Variants in CNTN6 observed in about 807,000 individuals in gnomAD.
The protein encoded by CNTN6 is contactin 6, also known as contactin-6.
CNTN6 carries 137 observed loss-of-function variants against 122.8 expected under a neutral mutation model. The observed-to-expected ratio is 1.12, with a 90% CI of 0.97 to 1.29. CNTN6 has a LOEUF of 1.29. CNTN6 is among the 50% of genes most tolerant of loss of function. The pLI is 0.00. For missense variants in CNTN6, 1,634 were observed against 1,223.4 expected (o/e 1.34, Z -5.01); for synonymous variants, 570 against 426.0 (o/e 1.34, Z -4.16).
chr3:1,334,539 A>G (rs1273258957), intron 11 of CNTN6, among the ~76,000 whole-genome samples: 1 of 152,116 alleles, frequency 6.6e-6, no homozygotes, highest in East Asian at 1.9e-4. Flanking sequence ...AGGGGTTGAA[A>G]TTGAAAGTTC....
intron 5 of CNTN6, among the ~76,000 whole-genome samples, chr3:1,285,928 A>G (rs983168958): frequency 1.3e-5 from 2 of 152,228 alleles, no homozygotes; most frequent in Non-Finnish European, 2.9e-5. Flanking sequence ...TGTTAGAACC[A>G]GGAAGCTCAT....
chr3:1,172,073 A>G (rs2125299563), intron 2 of CNTN6, among the ~76,000 whole-genome samples: 1 of 152,206 alleles, frequency 6.6e-6, no homozygotes, highest in East Asian at 1.9e-4. Flanking sequence ...CCATCTCCTC[A>G]TGGAGGTGAC....
At chr3:1,327,425 CA>C in intron 9 of CNTN6, 31 bp from the exon 10 acceptor site, 1 of 1,599,116 alleles carries the variant, frequency 6.3e-7, no homozygotes, top group African/African-American at 1.3e-5. Flanking sequence ...TATTAACGTA[CA>C]AGCATCTTTA....
At chr3:1,274,130 A>G (rs902698244) in intron 4 of CNTN6, among the ~76,000 whole-genome samples, 7 of 152,078 alleles carry the variant, frequency 4.6e-5, no homozygotes, top group Admixed American at 2.6e-4. Context: ...GATGATTATT[A>G]CTAGAAACAG....
chr3:1,105,750 A>T (rs2091189755), intron 1 of CNTN6, among the ~76,000 whole-genome samples: 1 of 152,144 alleles, frequency 6.6e-6, no homozygotes, highest in Non-Finnish European at 1.5e-5. Flanking sequence ...GTCCAGTGTT[A>T]TCAACTTTTT....
chr3:1,217,852 C>T (rs967180184), intron 2 of CNTN6, among the ~76,000 whole-genome samples: 3 of 152,208 alleles, frequency 2.0e-5, no homozygotes, highest in Non-Finnish European at 2.9e-5. Flanking sequence ...TTTAACTCAA[C>T]AATCCTCAAT....
intron 1 of CNTN6, among the ~76,000 whole-genome samples, chr3:1,133,829 C>G (rs1179974782): frequency 2.6e-5 from 4 of 152,094 alleles, no homozygotes; most frequent in South Asian, 4.1e-4. Context: ...TTCTCATATT[C>G]TTCTTTCCTT....
At chr3:1,160,644 T>G (rs930775695) in intron 2 of CNTN6, among the ~76,000 whole-genome samples, 4 of 148,312 alleles carry the variant, frequency 2.7e-5, no homozygotes, top group African/African-American at 1.0e-4. Context: ...GTATCACCAA[T>G]GTAGTCATAA....
intron 4 of CNTN6, among the ~76,000 whole-genome samples, chr3:1,247,824 T>G (rs2094603775): frequency 6.6e-6 from 1 of 152,048 alleles, no homozygotes; most frequent in Non-Finnish European, 1.5e-5. Context: ...GTATTAGGTA[T>G]CTATTAAGCC....
chr3:1,267,816 A>G (rs958298112), intron 4 of CNTN6, among the ~76,000 whole-genome samples: 7 of 152,082 alleles, frequency 4.6e-5, no homozygotes, highest in Admixed American at 1.3e-4. Context: ...AGTGTCTGCA[A>G]TGGCAATGGA....
rs947376765 is a variant in CNTN6 at position 1,401,441 on chromosome 3, C to T, written c.2713C>T (p.Gln905Ter). 1 of 1,611,490 alleles carries T rather than the reference C, an allele frequency of 6.2e-7. No homozygotes were observed. ...NVTTKKSPPS[Q>*]PPANIAWKLT... ...TGATTATCTCTTTAAAGCTCCAAGC[C>T]AACCACCAGCAAACATTGCCTGGAA... is the stretch of plus-strand genomic sequence containing the variant. Residue 905 changes from glutamine to a stop codon, truncating the protein, a stop_gained, in exon 21 of 23, where the codon CAA becomes TAA. Transcript: ENST00000446702. LOFTEE classifies it high-confidence loss of function.
intron 11 of CNTN6, among the ~76,000 whole-genome samples, chr3:1,348,011 A>C (rs761761803): frequency 2.0e-5 from 3 of 151,870 alleles, no homozygotes; most frequent in Non-Finnish European, 2.9e-5. Context: ...CTACATTCTT[A>C]GGCAGGATGA....
At chr3:1,282,235 T>C (rs772978593) in intron 5 of CNTN6, among the ~76,000 whole-genome samples, 7 of 151,732 alleles carry the variant, frequency 4.6e-5, no homozygotes, top group Non-Finnish European at 7.4e-5. Context: ...AAAGGAGGGC[T>C]GACTCCAGCA....
At chr3:1,206,143 G>A (rs1166821465) in intron 2 of CNTN6, among the ~76,000 whole-genome samples, 1 of 152,094 alleles carries the variant, frequency 6.6e-6, no homozygotes, top group Admixed American at 6.6e-5. Flanking sequence ...ATTTTCGCAA[G>A]TTTTCCTGAT....
At chr3:1,393,522 C>G (rs1694525369) in intron 20 of CNTN6, among the ~76,000 whole-genome samples, 1 of 139,102 alleles carries the variant, frequency 7.2e-6, no homozygotes, top group Non-Finnish European at 1.5e-5. Flanking sequence ...CTAACCTGCA[C>G]GTTGTGCACA....
chr3:1,390,088 A>C lies in CNTN6; in HGVS notation c.2704+4291A>C, dbSNP rs375667509. ...ATAGACATCTACAGAACTCTCCACC[A>C]CAAATCAACAGAATATAGATTTTTT... On this transcript the variant is annotated intron_variant, in intron 20 of 22. Coordinates refer to ENST00000446702, the MANE Select transcript of CNTN6 (RefSeq NM_001289080.2). 5.3e-5 allele frequency among the ~76,000 whole-genome samples: 8 copies of C among 151,976 alleles called. No individual in the cohort carries two copies. In the South Asian group the frequency reaches 1.3e-3, roughly 24 times the overall value.
At chr3:1,286,292 C>T (rs1694317083) in intron 5 of CNTN6, among the ~76,000 whole-genome samples, 1 of 152,122 alleles carries the variant, frequency 6.6e-6, no homozygotes, top group Non-Finnish European at 1.5e-5. Flanking sequence ...TGGTTTGCTG[C>T]ACCCATCAAC....
In CNTN6 at chr3:1,205,496, T is replaced by C. The variant is rs568044509; in HGVS notation, c.56-15191T>C. 3.4e-4 allele frequency among the ~76,000 whole-genome samples: 52 copies of C among 152,318 alleles called. No homozygotes were observed. In the South Asian group the frequency reaches 0.01, roughly 30 times the overall value. ...TGGTTTTCATCCTTAGCTTTCTTTT[T>C]ATTCAGTTCCATGCTGTTGCTGCCT... On this transcript the variant is annotated intron_variant, in intron 2 of 22. Coordinates refer to ENST00000446702, the MANE Select transcript of CNTN6 (RefSeq NM_001289080.2).
chr3:1,304,471 T>C (rs1697988491), intron 7 of CNTN6, among the ~76,000 whole-genome samples: 1 of 152,222 alleles, frequency 6.6e-6, no homozygotes, highest in East Asian at 1.9e-4. Flanking sequence ...AACACTTTCA[T>C]ATTTATATTG....
Sources: allele counts gnomAD v4.1 joint callset (sites outside exome capture counted in the v4.1 genomes callset), GRCh38; gene constraint gnomAD v4.1.1; transcripts MANE v1.5; gene names NCBI Gene and HGNC (gene_info 2026-07-23, HGNC 2026-07-21).